Variants in CCNL2 observed in about 807,000 individuals in gnomAD.
The protein encoded by CCNL2 is cyclin L2.
A neutral mutation model predicts 59.1 loss-of-function variants in CCNL2; 28 were observed. That is an observed-to-expected ratio of 0.47 (90% CI 0.35 to 0.65). The LOEUF (loss-of-function observed/expected upper bound fraction) is 0.65, where lower values mean the gene tolerates loss of function less well. CCNL2 is among the 30% of genes least tolerant of loss of function. CCNL2 has a pLI of 0.00. For synonymous variants in CCNL2, 342 were observed against 288.6 expected, an observed-to-expected ratio of 1.19 and a Z score of -1.88; for missense variants, 714 against 717.4, an observed-to-expected ratio of 1.00 and a Z score of 0.05.
chr1:1,398,953 C>A, intron 1 of CCNL2, 66 bp downstream of exon 1: 3 of 1,492,550 alleles, frequency 2.0e-6, no homozygotes, highest in Non-Finnish European at 2.7e-6. Flanking sequence ...GCCCGACTCG[C>A]CGCCAACAAA....
At position 1,399,255 on chromosome 1, in the gene CCNL2, C is replaced by T. The variant is rs913480225; in HGVS notation, c.52G>A (p.Ala18Thr). The part of the protein sequence containing the change: ...AGAAGSAAPA[A>T]AAGAPGSGGA... ...CCAGATCCCGGGGCGCCGGCCGCTG[C>T]CGCGGGAGCTGCCGACCCTGCAGCA... The change falls in exon 1 of 11, where the codon GCA (alanine) becomes ACA (threonine). Residue 18 changes from alanine to threonine, a missense_variant. Transcript: ENST00000400809. 9 of 1,583,480 alleles carry T rather than the reference C, an allele frequency of 5.7e-6. No individual in the cohort carries two copies. The highest frequency in any genetic ancestry group is 5.6e-5 in the African/African-American group (4 of 71,508).
At chr1:1,394,056 G>A (rs1430574082) in intron 4 of CCNL2, among the ~76,000 whole-genome samples, 3 of 151,742 alleles carry the variant, frequency 2.0e-5, no homozygotes, top group African/African-American at 7.3e-5. Flanking sequence ...AAACCAGGAG[G>A]CGGAGGCTGC....
At chr1:1,398,087 TTGG>T in intron 3 of CCNL2, 143 bp downstream of exon 3, 1 of 721,606 alleles carries the variant, frequency 1.4e-6, no homozygotes, top group Non-Finnish European at 2.3e-6. Flanking sequence ...GCAGGCTCTG[TTGG>T]TGGAGCTTGA....
chr1:1,394,369 C>T (rs1212016088), intron 4 of CCNL2, among the ~76,000 whole-genome samples: 1 of 152,126 alleles, frequency 6.6e-6, no homozygotes, highest in Non-Finnish European at 1.5e-5. Context: ...CCGCAAAACT[C>T]GCCAGTCATT....
chr1:1,398,193 T>A, intron 3 of CCNL2, 40 bp downstream of exon 3: 1 of 1,577,080 alleles, frequency 6.3e-7, no homozygotes, highest in Non-Finnish European at 8.7e-7. Context: ...ATAAAGAAAA[T>A]AGGCATCTAT....
In CCNL2 at chr1:1,399,099, C is replaced by T. The variant is rs752939117; in HGVS notation, c.208G>A (p.Asp70Asn). The change falls in exon 1 of 11, where the codon GAC becomes AAC. Residue 70 changes from aspartate (D) to asparagine (N), a missense_variant. Around this residue, in one of 5 missense-constraint regions of CCNL2, gnomAD observed 270 missense variants for 254.9 expected, o/e 1.06. Transcript: ENST00000400809. ...RFTPSMSSGL[D>N]TDTETDLRVV... is the part of the protein sequence containing the mutation. ...CGGAGGTCGGTCTCTGTGTCGGTGTCGAGGCCGCTCGACATGGACGGCGTG... is the reference window on the plus strand; with the variant it reads ...CGGAGGTCGGTCTCTGTGTCGGTGTTGAGGCCGCTCGACATGGACGGCGTG... 6 of 1,611,762 alleles carry T rather than the reference C, an allele frequency of 3.7e-6. No homozygotes were observed. The highest frequency in any genetic ancestry group is 2.2e-5 in the East Asian group (1 of 44,736).
chr1:1,398,196 G>A lies in CCNL2; in HGVS notation c.473+37C>T, dbSNP rs374536513. ...ACTTAATCAGAAATAAAGAAAATAG[G>A]CATCTATGATAGACTAGACAGCTCT... On this transcript the variant is annotated intron_variant, in intron 3 of 10. Coordinates refer to ENST00000400809, the MANE Select transcript of CCNL2 (RefSeq NM_030937.6). 9 of 1,580,442 alleles carry A rather than the reference G, an allele frequency of 5.7e-6. No individual in the cohort carries two copies. The African/African-American group carries it at 6.8e-5, about 12-fold the overall frequency.
In CCNL2 at chr1:1,388,025, T is replaced by A; in HGVS notation, c.1047A>T (p.Pro349=). The A allele has an allele frequency of 6.2e-7, 1 of 1,614,030 alleles. No individual in the cohort carries two copies. The highest frequency in any genetic ancestry group is 1.7e-5 in the Admixed American group (1 of 60,020). The change falls in exon 9 of 11, where the codon CCA becomes CCT. Residue 349 remains proline (P), a synonymous_variant. Coordinates refer to ENST00000400809, the MANE Select transcript of CCNL2 (RefSeq NM_030937.6). ...TCCTCTTGGTGTTCTTCACAGACAG[T>A]GGGGAAGGCTTGCTCCCTTTACCTT... ...PKEGKGSKPS[P]LSVKNTKRRL... is the part of the protein sequence containing the mutation.
At chr1:1,398,082 C>A (rs774651585) in intron 3 of CCNL2, 151 bp downstream of exon 3, 7 of 701,792 alleles carry the variant, frequency 1.0e-5, no homozygotes, top group South Asian at 1.8e-5. Context: ...TCTGAGCAGG[C>A]TCTGTTGGTG....
intron 2 of CCNL2, 26 bp from the exon 3 acceptor site, chr1:1,398,368 CCAT>C (rs1645166119): frequency 6.2e-7 from 1 of 1,613,612 alleles, no homozygotes; most frequent in African/African-American, 1.3e-5. Flanking sequence ...TGCAACACGC[CCAT>C]GTTTGTCCCC....
At chr1:1,397,387 T>C (rs1645097794) in intron 3 of CCNL2, among the ~76,000 whole-genome samples, 1 of 152,158 alleles carries the variant, frequency 6.6e-6, no homozygotes, top group Non-Finnish European at 1.5e-5. Context: ...CTCAATCTCC[T>C]GGCCTCAAGC....
At chr1:1,395,286 G>A in intron 4 of CCNL2, 108 bp downstream of exon 4, 1 of 1,213,968 alleles carries the variant, frequency 8.2e-7, no homozygotes, top group Non-Finnish European at 1.2e-6. Context: ...CCAAGTCAGG[G>A]ATGCACTCAG....
Position 1,399,098 on chromosome 1 carries a change from T to G in CCNL2, c.209A>C (p.Asp70Ala). The G allele has an allele frequency of 6.2e-7, 1 of 1,611,628 alleles. No homozygotes were observed. Among genetic ancestry groups the G allele is most frequent in the Non-Finnish European group, 8.5e-7 (1 of 1,179,386 alleles). Reference protein sequence around the residue: ...RFTPSMSSGLDTDTETDLRVV... With the variant: ...RFTPSMSSGLATDTETDLRVV... The stretch of plus-strand genomic sequence containing the variant: ...GCGGAGGTCGGTCTCTGTGTCGGTG[T>G]CGAGGCCGCTCGACATGGACGGCGT... The change falls in exon 1 of 11, where the codon GAC becomes GCC. Residue 70 changes from aspartate (D) to alanine (A), a missense_variant. Asp to Ala is a moderately radical substitution (Grantham distance 126). Coordinates refer to ENST00000400809, the MANE Select transcript of CCNL2 (RefSeq NM_030937.6).
rs550632581 is a variant in CCNL2, at chr1:1,394,523, G to A, written c.594+871C>T. Among the ~76,000 whole-genome samples the A allele has an allele frequency of 1.7e-3, 264 of 152,222 alleles. 2 individuals are homozygous for A. The highest frequency in any genetic ancestry group is 6.2e-3 in the African/African-American group (257 of 41,520). On this transcript the variant is annotated intron_variant, in intron 4 of 10. Coordinates refer to ENST00000400809, the MANE Select transcript of CCNL2 (RefSeq NM_030937.6). ...CCAGAACTTTGGGAGGCCGAGGCAG[G>A]TGCATCACCTGAGATCAGGAGTTTG...
rs771763258 is a variant in CCNL2 at position 1,395,459 on chromosome 1, T to C, written c.529A>G (p.Ile177Val). The C allele has an allele frequency of 1.4e-5, 22 of 1,614,184 alleles. No homozygotes were observed. Among genetic ancestry groups the C allele is most frequent in the Non-Finnish European group, 1.9e-5 (22 of 1,180,022 alleles). The change falls in exon 4 of 11, where the codon ATA becomes GTA. Residue 177 changes from isoleucine to valine, a missense_variant. This residue lies in a region of CCNL2 where 270 missense variants were observed against 254.9 expected (regional missense o/e 1.06). Coordinates refer to ENST00000400809, the MANE Select transcript of CCNL2 (RefSeq NM_030937.6). ...QDYVNLKNQI[I>V]KAERRVLKEL... ...TTGAGAACTCGTCTTTCCGCCTTTA[T>C]AATTTGGTTCTTTAAATTAACATAA...
At chr1:1,398,849 G>A (rs2100370525) in intron 1 of CCNL2, 170 bp downstream of exon 1, 2 of 1,347,426 alleles carry the variant, frequency 1.5e-6, no homozygotes, top group African/African-American at 1.5e-5. Flanking sequence ...GGGCGGGGAG[G>A]CCCCGGGTCA....
At chr1:1,393,533 T>C (rs1644855696) in intron 4 of CCNL2, 73 bp from the exon 5 acceptor site, 2 of 1,318,718 alleles carry the variant, frequency 1.5e-6, no homozygotes, top group Non-Finnish European at 2.2e-6. Context: ...TGGGTGTCCA[T>C]GCAGCAAACA....
intron 5 of CCNL2, 192 bp from the exon 6 acceptor site, chr1:1,391,057 G>T: frequency 3.0e-6 from 3 of 994,776 alleles, no homozygotes; most frequent in Non-Finnish European, 2.8e-6. Flanking sequence ...TCTAAATACA[G>T]TAAATACAGG....
rs372162760 is a variant in CCNL2 at position 1,398,262 on chromosome 1, A to C, written c.444T>G (p.Phe148Leu). Residue 148 changes from phenylalanine (F) to leucine (L), a missense_variant, in exon 3 of 11, where the codon TTT (phenylalanine) becomes TTG (leucine). Physicochemically the swap from Phe to Leu is conservative, Grantham distance 22. Around this residue, in one of 5 missense-constraint regions of CCNL2, gnomAD observed 270 missense variants for 254.9 expected, o/e 1.06. Coordinates refer to ENST00000400809, the MANE Select transcript of CCNL2 (RefSeq NM_030937.6). ...PRRIRDVINV[F>L]HRLRQLRDKK... Reference sequence around the variant, plus strand: ...TGTCTCTCAGCTGTCGAAGGCGGTGAAACACATTGATGACGTCCCGTATGC... The same window carrying C: ...TGTCTCTCAGCTGTCGAAGGCGGTGCAACACATTGATGACGTCCCGTATGC... The C allele has an allele frequency of 6.2e-7, 1 of 1,614,138 alleles. No homozygotes were observed. Among genetic ancestry groups the C allele is most frequent in the Non-Finnish European group, 8.5e-7 (1 of 1,180,052 alleles).
Sources: allele counts gnomAD v4.1 joint callset (sites outside exome capture counted in the v4.1 genomes callset), GRCh38; gene constraint gnomAD v4.1.1; regional missense constraint gnomAD v4.1.1; transcripts MANE v1.5; gene names NCBI Gene and HGNC (gene_info 2026-07-23, HGNC 2026-07-21).